MARCHF11: variants seen among roughly 807,000 people sequenced by gnomAD.
The protein encoded by MARCHF11 is E3 ubiquitin-protein ligase MARCHF11.
In MARCHF11, 29 loss-of-function variants were observed where a neutral mutation model predicts 37.3. The observed-to-expected ratio is 0.78, with a 90% CI of 0.58 to 1.06. The LOEUF (loss-of-function observed/expected upper bound fraction) is 1.06. Among genes scored for constraint, MARCHF11 ranks in the 50% least tolerant of loss-of-function variants. The pLI is 0.00. For missense variants in MARCHF11, 482 were observed against 533.4 expected (o/e 0.90, Z 0.95); for synonymous variants, 233 against 228.0 (o/e 1.02, Z -0.20).
chr5:16,078,387 C>T lies in MARCHF11; in HGVS notation c.887-10594G>A, dbSNP rs150819504. 2.8e-3 allele frequency among the ~76,000 whole-genome samples: 426 copies of T among 152,206 alleles called. 5 individuals are homozygous for T. The highest frequency in any genetic ancestry group is 9.2e-3 in the African/African-American group (383 of 41,532). On this transcript the variant is annotated intron_variant, in intron 3 of 3. Transcript: ENST00000332432. ...ACAGTAAATACAATCTTAGATATTACTGGAGATGCATTTTTAAAAACCCTA... is the reference window on the plus strand; with the variant it reads ...ACAGTAAATACAATCTTAGATATTATTGGAGATGCATTTTTAAAAACCCTA...
Position 16,108,421 on chromosome 5 carries a change from A to G in MARCHF11, c.694-17340T>C, listed in dbSNP as rs545490761. On this transcript the variant is annotated intron_variant, in intron 2 of 3. Coordinates refer to ENST00000332432, the MANE Select transcript of MARCHF11 (RefSeq NM_001102562.3). ...TTTCAAAGGTGCCCTTTATTAAAAG[A>G]AATAAGCTTATATCTGGACATTTTT... Among the ~76,000 whole-genome samples, 3 of 152,352 alleles carry G rather than the reference A, an allele frequency of 2.0e-5. No homozygotes were observed. The South Asian group carries it at 6.2e-4, about 32-fold the overall frequency.
intron 3 of MARCHF11, among the ~76,000 whole-genome samples, chr5:16,083,698 C>T (rs1736649294): frequency 6.6e-6 from 1 of 152,096 alleles, no homozygotes; most frequent in African/African-American, 2.4e-5. Context: ...CTGAGAGATA[C>T]CGGAGGGCAT....
chr5:16,170,364 T>C (rs180908628), intron 2 of MARCHF11, among the ~76,000 whole-genome samples: 30 of 134,046 alleles, frequency 2.2e-4, no homozygotes, highest in Admixed American at 1.9e-3. Context: ...TATGTCTCAC[T>C]GGAAGCTTTT....
intron 2 of MARCHF11, among the ~76,000 whole-genome samples, chr5:16,099,695 G>C (rs987986237): frequency 6.6e-6 from 1 of 152,116 alleles, no homozygotes; most frequent in African/African-American, 2.4e-5. Flanking sequence ...AAAATTGTTG[G>C]TTGCTATTTC....
intron 2 of MARCHF11, among the ~76,000 whole-genome samples, chr5:16,173,552 T>A (rs1738308668): frequency 6.6e-6 from 1 of 152,198 alleles, no homozygotes; most frequent in Non-Finnish European, 1.5e-5. Context: ...CACCTGCTTT[T>A]AAAAATGCTG....
rs1737748842 is a variant in MARCHF11 at position 16,143,308 on chromosome 5, GGA to G, written c.693+34416_693+34417del. Among the ~76,000 whole-genome samples, 4 of 152,108 alleles carry G rather than the reference GGA, an allele frequency of 2.6e-5. No homozygotes were observed. In the South Asian group the frequency reaches 8.3e-4, roughly 32 times the overall value. ...TCGTGTGGGAAAGGACAGTTGACAG[GGA>G]GACAAGTCTTGACCTGGCCTCATTT... On this transcript the variant is annotated intron_variant, in intron 2 of 3. Transcript: ENST00000332432.
chr5:16,147,544 C>A (rs541381406), intron 2 of MARCHF11, among the ~76,000 whole-genome samples: 3 of 152,248 alleles, frequency 2.0e-5, no homozygotes, highest in Admixed American at 6.5e-5. Context: ...TAGTTCTAGA[C>A]ACGGCCTGGG....
intron 2 of MARCHF11, among the ~76,000 whole-genome samples, chr5:16,116,053 G>A (rs1003103452): frequency 6.6e-6 from 1 of 152,168 alleles, no homozygotes; most frequent in African/African-American, 2.4e-5. Context: ...TTAGTGGCAT[G>A]ATTCTAGCCT....
chr5:16,073,557 T>C (rs1579672522), intron 3 of MARCHF11, among the ~76,000 whole-genome samples: 1 of 151,094 alleles, frequency 6.6e-6, no homozygotes, highest in East Asian at 1.9e-4. Context: ...GACATATAAC[T>C]GTATATGAAC....
chr5:16,110,469 A>G (rs1737118006), intron 2 of MARCHF11, among the ~76,000 whole-genome samples: 1 of 152,200 alleles, frequency 6.6e-6, no homozygotes. Context: ...CAGCATCTTC[A>G]TATATGAAGG....
chr5:16,147,467 C>A (rs150625760), intron 2 of MARCHF11, among the ~76,000 whole-genome samples: 2 of 152,202 alleles, frequency 1.3e-5, no homozygotes, highest in Non-Finnish European at 2.9e-5. Context: ...AGACTTGAAA[C>A]CTGATCTGTG....
Position 16,179,078 on chromosome 5 carries a change from G to A in MARCHF11, c.498C>T (p.His166=), listed in dbSNP as rs1043461826. Residue 166 remains histidine, a synonymous_variant, in exon 1 of 4, where the codon CAC becomes CAT. Coordinates refer to ENST00000332432, the MANE Select transcript of MARCHF11 (RefSeq NM_001102562.3). ...DQRAGHQHQH[H]QPICKICFQG... is the part of the protein sequence containing the mutation. ...GGAAGCAGATCTTGCAGATGGGCTG[G>A]TGGTGCTGGTGCTGGTGCCCAGCGC... 3 of 1,495,950 alleles carry A rather than the reference G, an allele frequency of 2.0e-6. No individual in the cohort carries two copies. The highest frequency in any genetic ancestry group is 2.7e-6 in the Non-Finnish European group (3 of 1,129,280). The allele number at this position is 1,495,950 out of a possible 1,614,324, so 92.7% of individuals were successfully genotyped here.
chr5:16,084,066 C>T (rs1054614706), intron 3 of MARCHF11, among the ~76,000 whole-genome samples: 4 of 151,990 alleles, frequency 2.6e-5, no homozygotes, highest in Middle Eastern at 3.4e-3. Context: ...TGTTAGATTA[C>T]GTGAAACTTT....
In MARCHF11 at chr5:16,067,382, G is replaced by C. The variant is rs2126540473; in HGVS notation, c.*89C>G. Reference sequence around the variant, plus strand: ...TAAATTTTAAAAAGTTCATAGATGTGTTTTTAGAAGTGCTATGGTTTTGCC... The same window carrying C: ...TAAATTTTAAAAAGTTCATAGATGTCTTTTTAGAAGTGCTATGGTTTTGCC... On this transcript the variant is annotated 3_prime_UTR_variant, in exon 4 of 4. Coordinates refer to ENST00000332432, the MANE Select transcript of MARCHF11 (RefSeq NM_001102562.3). 8.3e-7 allele frequency: 1 copy of C among 1,211,754 alleles called. No homozygotes were observed. The highest frequency in any genetic ancestry group is 2.4e-5 in the East Asian group (1 of 42,206). 75.1% of individuals were successfully genotyped at this position (1,211,754 alleles called of 1,614,324 possible). A position where few individuals can be genotyped will look rare whatever the true frequency, so the allele number is the denominator to read the frequency against.
intron 2 of MARCHF11, among the ~76,000 whole-genome samples, chr5:16,091,502 T>G (rs1252889758): frequency 6.6e-6 from 1 of 152,210 alleles, no homozygotes; most frequent in Non-Finnish European, 1.5e-5. Flanking sequence ...GAGGGAACTG[T>G]CTCTTGTTTT....
chr5:16,143,828 ACT>A (rs1454231617), intron 2 of MARCHF11, among the ~76,000 whole-genome samples: 9 of 152,134 alleles, frequency 5.9e-5, no homozygotes, highest in Admixed American at 1.3e-4. Context: ...CCAGAGAGAG[ACT>A]CTGCTTGGAC....
rs1229391024 is a variant in MARCHF11, at chr5:16,179,653, G to T, written c.-78C>A. 7.6e-6 allele frequency: 8 copies of T among 1,056,372 alleles called. No homozygotes were observed. The African/African-American group carries it at 1.0e-4, about 14-fold the overall frequency. 65.4% of individuals were successfully genotyped at this position (1,056,372 alleles called of 1,614,324 possible). ...CTGCAGGGAAAGAGAGCGCGGAGGG[G>T]GCGGGAGGGAGAGGGGAAAAGGAGG... On this transcript the variant is annotated 5_prime_UTR_variant, in exon 1 of 4. Coordinates refer to ENST00000332432, the MANE Select transcript of MARCHF11 (RefSeq NM_001102562.3).
chr5:16,132,318 C>T (rs1237695457), intron 2 of MARCHF11, among the ~76,000 whole-genome samples: 1 of 152,188 alleles, frequency 6.6e-6, no homozygotes, highest in Non-Finnish European at 1.5e-5. Flanking sequence ...TCTCATCAAC[C>T]TTCAGGCCAG....
chr5:16,097,047 A>T (rs1453863440), intron 2 of MARCHF11, among the ~76,000 whole-genome samples: 5 of 152,220 alleles, frequency 3.3e-5, no homozygotes, highest in African/African-American at 9.6e-5. Flanking sequence ...GATGATTTAT[A>T]CTGTGCGCTA....
Sources: allele counts gnomAD v4.1 joint callset (sites outside exome capture counted in the v4.1 genomes callset), GRCh38; gene constraint gnomAD v4.1.1; transcripts MANE v1.5; gene names NCBI Gene and HGNC (gene_info 2026-07-23, HGNC 2026-07-21).